Variants in TMEM232 observed in about 807,000 individuals in gnomAD.
The protein encoded by TMEM232 is transmembrane protein 232.
A neutral mutation model predicts 78.8 loss-of-function variants in TMEM232; 80 were observed. The observed-to-expected ratio is 1.01, with a 90% CI of 0.85 to 1.22. The LOEUF (loss-of-function observed/expected upper bound fraction) is 1.22, where lower values mean the gene tolerates loss of function less well. Ranked by LOEUF, TMEM232 falls within the 50% of genes most tolerant of loss-of-function variation. TMEM232 has a pLI of 0.00. For missense variants in TMEM232, 881 were observed against 742.2 expected, an observed-to-expected ratio of 1.19 and a Z score of -2.17; for synonymous variants, 297 against 254.3, an observed-to-expected ratio of 1.17 and a Z score of -1.60.
chr5:110,454,447 G>A (rs1431401290), intron 12 of TMEM232, among the ~76,000 whole-genome samples: 1 of 151,776 alleles, frequency 6.6e-6, no homozygotes, highest in African/African-American at 2.4e-5. Context: ...TTGCACCTGT[G>A]AATAGCCACT....
intron 1 of TMEM232, among the ~76,000 whole-genome samples, chr5:110,700,786 G>GTAGGTAGATAGATAGA (rs1554081854): frequency 3.5e-5 from 5 of 142,610 alleles, no homozygotes; most frequent in African/African-American, 1.3e-4. Context: ...AGATAGATAG[G>GTAGGTAGATAGATAGA]TAGATAGATA....
rs140590869 is a variant in TMEM232, at chr5:110,565,843, T to C, written c.1455+2604A>G. Among the ~76,000 whole-genome samples the C allele has an allele frequency of 1.6e-3, 246 of 152,054 alleles. 1 individual carries two copies. The highest frequency in any genetic ancestry group is 3.5e-3 in the Admixed American group (54 of 15,224). On this transcript the variant is annotated intron_variant, in intron 11 of 13. Coordinates refer to ENST00000455884, the MANE Select transcript of TMEM232 (RefSeq NM_001039763.4). ...TTGATATTCATATGAACAAATCTAGTAGGTCACTTGCAAATTTCTCTAAAT... is the reference window on the plus strand; with the variant it reads ...TTGATATTCATATGAACAAATCTAGCAGGTCACTTGCAAATTTCTCTAAAT...
chr5:110,592,379 A>G (rs1779635422), intron 10 of TMEM232, among the ~76,000 whole-genome samples: 1 of 152,158 alleles, frequency 6.6e-6, no homozygotes, highest in South Asian at 2.1e-4. Context: ...AGAATTGAGC[A>G]TTTCAAAATA....
At chr5:110,660,697 G>T (rs1388265307) in intron 2 of TMEM232, among the ~76,000 whole-genome samples, 1 of 152,036 alleles carries the variant, frequency 6.6e-6, no homozygotes, top group East Asian at 1.9e-4. Flanking sequence ...TATTTTTCAT[G>T]ATTGTGGATA....
chr5:110,693,253 A>G (rs1372012260), intron 1 of TMEM232, among the ~76,000 whole-genome samples: 2 of 152,228 alleles, frequency 1.3e-5, no homozygotes, highest in Non-Finnish European at 2.9e-5. Flanking sequence ...ACTGACTGTT[A>G]GAAGGAAAAC....
intron 10 of TMEM232, among the ~76,000 whole-genome samples, chr5:110,591,117 A>G (rs1779472444): frequency 6.6e-6 from 1 of 152,178 alleles, no homozygotes; most frequent in African/African-American, 2.4e-5. Context: ...ACCATGATTT[A>G]AATTGTTTCT....
intron 1 of TMEM232, among the ~76,000 whole-genome samples, chr5:110,677,495 T>C (rs1216704808): frequency 6.6e-6 from 1 of 152,210 alleles, no homozygotes; most frequent in Non-Finnish European, 1.5e-5. Flanking sequence ...AAACAAGATA[T>C]CTCATAATTT....
intron 2 of TMEM232, among the ~76,000 whole-genome samples, chr5:110,408,449 G>C (rs112837796): frequency 6.6e-6 from 1 of 151,958 alleles, no homozygotes; most frequent in Non-Finnish European, 1.5e-5. Flanking sequence ...AAAATTAGCT[G>C]GGTATGGTGG....
chr5:110,455,972 T>G (rs916984802), intron 12 of TMEM232, among the ~76,000 whole-genome samples: 1 of 152,220 alleles, frequency 6.6e-6, no homozygotes, highest in Non-Finnish European at 1.5e-5. Flanking sequence ...AAGGGATCTA[T>G]GAAAATCTAC....
intron 10 of TMEM232, among the ~76,000 whole-genome samples, chr5:110,594,419 T>C (rs905698492): frequency 3.3e-5 from 5 of 152,104 alleles, no homozygotes; most frequent in African/African-American, 7.2e-5. Context: ...GAGTTTTTTT[T>C]CATACCCCAG....
chr5:110,538,675 CA>C (rs1772711513), intron 11 of TMEM232, among the ~76,000 whole-genome samples: 1 of 152,158 alleles, frequency 6.6e-6, no homozygotes. Flanking sequence ...AAAACTCTAG[CA>C]GTGCAAAAGC....
chr5:110,730,798 G>T (rs1798608383), upstream of TMEM232, among the ~76,000 whole-genome samples: 1 of 152,176 alleles, frequency 6.6e-6, no homozygotes, highest in African/African-American at 2.4e-5. Context: ...TTCAAGTTAA[G>T]ATTTGGGTGG....
chr5:110,645,853 A>G (rs1787410517), intron 2 of TMEM232, among the ~76,000 whole-genome samples: 1 of 151,758 alleles, frequency 6.6e-6, no homozygotes, highest in South Asian at 2.1e-4. Context: ...TAATAAATGA[A>G]TTCAATAAAG....
chr5:110,628,876 C>T (rs1784764916), intron 5 of TMEM232: 1 of 151,994 alleles, frequency 6.6e-6, no homozygotes, highest in Admixed American at 6.6e-5. Flanking sequence ...GCTCCAAAAG[C>T]CATGAGCTTT....
intron 12 of TMEM232, among the ~76,000 whole-genome samples, chr5:110,443,668 A>G (rs997495010): frequency 1.3e-5 from 2 of 152,216 alleles, no homozygotes; most frequent in Non-Finnish European, 2.9e-5. Flanking sequence ...GTCTTTCAGC[A>G]TAGCCACCAC....
At chr5:110,430,356 C>CT (rs534310383) in intron 12 of TMEM232, among the ~76,000 whole-genome samples, 5,262 of 143,798 alleles carry the variant, frequency 0.037, 300 homozygotes, top group African/African-American at 0.12. Flanking sequence ...TAGACGTTTC[C>CT]TTTTTTTTTT....
rs1299737875 is a variant in TMEM232 at position 110,587,679 on chromosome 5, ATATATATATATATGTGTGTG to A, written c.1276+17410_1276+17429del. 3.5e-3 allele frequency among the ~76,000 whole-genome samples: 348 copies of A among 98,696 alleles called. 3 individuals carry two copies. The highest frequency in any genetic ancestry group is 0.016 in the African/African-American group (324 of 20,050). 64.7% of individuals were successfully genotyped at this position (98,696 alleles called of 152,430 possible). On this transcript the variant is annotated intron_variant, in intron 10 of 13. Transcript: ENST00000455884. ...TACATGTATGTATATATATATATAT[ATATATATATATATGTGTGTG>A]TGTGTGTGTGTGTGTGTGTGTGTGT...
At chr5:110,596,913 G>A (rs1780239253) in intron 10 of TMEM232, among the ~76,000 whole-genome samples, 1 of 152,126 alleles carries the variant, frequency 6.6e-6, no homozygotes, top group Non-Finnish European at 1.5e-5. Flanking sequence ...ATATCATACT[G>A]AATGGGCAAA....
chr5:110,648,627 T>C (rs200727692), intron 2 of TMEM232, among the ~76,000 whole-genome samples: 1 of 152,006 alleles, frequency 6.6e-6, no homozygotes. Context: ...CCTAAAAAAA[T>C]AGCAAAAGTG....
Sources: gnomAD v4.1 joint callset for allele counts (sites outside exome capture counted in the v4.1 genomes callset) on GRCh38, gnomAD v4.1.1 for gene constraint, MANE v1.5 for transcripts, NCBI Gene and HGNC (gene_info 2026-07-23, HGNC 2026-07-21) for gene names.